The following RBFOX1 variants were observed in gnomAD, a reference collection of about 807,000 sequenced individuals.
RBFOX1 encodes the protein RNA binding protein fox-1 homolog 1.
A neutral mutation model predicts 57.7 loss-of-function variants in RBFOX1; 8 were observed. The ratio of observed to expected loss-of-function variants is 0.14; its 90% CI spans 0.08 to 0.25. RBFOX1 has a LOEUF of 0.25. RBFOX1 is among the 10% of genes least tolerant of loss of function. The pLI, the probability that RBFOX1 is intolerant of heterozygous loss-of-function variation, is 1.00. For missense variants in RBFOX1, 611 were observed against 548.5 expected, an observed-to-expected ratio of 1.11 and a Z score of -1.14; for synonymous variants, 326 against 222.4, an observed-to-expected ratio of 1.47 and a Z score of -4.15.
intron 14 of RBFOX1, among the ~76,000 whole-genome samples, chr16:7,692,950 C>T (rs1392000307): frequency 1.3e-5 from 2 of 151,978 alleles, no homozygotes; most frequent in Non-Finnish European, 2.9e-5. Flanking sequence ...GTAGTATACC[C>T]TATTTCTTAA....
chr16:5,727,969 C>A (rs538445453), intron 3 of RBFOX1, among the ~76,000 whole-genome samples: 1 of 152,180 alleles, frequency 6.6e-6, no homozygotes, highest in African/African-American at 2.4e-5. Context: ...TTACAGGAGA[C>A]AGCTACCATG....
At chr16:7,034,827 C>CTTTTTTTTTTTTT (rs113413414) in intron 3 of RBFOX1, among the ~76,000 whole-genome samples, 4 of 54,098 alleles carry the variant, frequency 7.4e-5, no homozygotes, top group Non-Finnish European at 9.3e-5. Context: ...TATTGCATTA[C>CTTTTTTTTTTTTT]TTTTTTTTTT....
At chr16:7,104,132 G>T (rs1000224884) in intron 4 of RBFOX1, among the ~76,000 whole-genome samples, 10 of 152,154 alleles carry the variant, frequency 6.6e-5, no homozygotes, top group African/African-American at 1.7e-4. Flanking sequence ...ATCTGTATCT[G>T]TATGGAAATT....
At chr16:6,672,720 T>G (rs533387033) in intron 3 of RBFOX1, among the ~76,000 whole-genome samples, 1 of 152,298 alleles carries the variant, frequency 6.6e-6, no homozygotes, top group South Asian at 2.1e-4. Context: ...GGGTTTGGCT[T>G]GCCTTGTGAA....
intron 4 of RBFOX1, among the ~76,000 whole-genome samples, chr16:5,906,381 T>C (rs1034478514): frequency 9.2e-5 from 14 of 152,354 alleles, no homozygotes; most frequent in Middle Eastern, 3.4e-3. Context: ...GTAATGTTTC[T>C]GCAAAGAATT....
chr16:7,010,564 T>C (rs536061607), intron 3 of RBFOX1, among the ~76,000 whole-genome samples: 1 of 152,158 alleles, frequency 6.6e-6, no homozygotes, highest in Non-Finnish European at 1.5e-5. Context: ...TTGTTTCTTT[T>C]TTTGAGACAG....
chr16:6,580,894 C>G (rs1330078627), intron 2 of RBFOX1, among the ~76,000 whole-genome samples: 1 of 132,246 alleles, frequency 7.6e-6, no homozygotes, highest in Non-Finnish European at 1.6e-5. Context: ...CCCTGCATAT[C>G]TCATTTGGGC....
At chr16:6,038,565 A>G (rs1683475539) in intron 1 of RBFOX1, 2 of 146,714 alleles carry the variant, frequency 1.4e-5, no homozygotes, top group Admixed American at 6.9e-5. Context: ...CCATATATAT[A>G]TATCATCCAT....
chr16:6,410,707 G>A (rs2093432460), intron 2 of RBFOX1, among the ~76,000 whole-genome samples: 1 of 152,182 alleles, frequency 6.6e-6, no homozygotes, highest in Non-Finnish European at 1.5e-5. Context: ...TGAATCACGT[G>A]TGTCTATCCA....
intron 2 of RBFOX1, among the ~76,000 whole-genome samples, chr16:5,583,480 C>T (rs1319723670): frequency 5.3e-5 from 8 of 152,306 alleles, no homozygotes; most frequent in South Asian, 2.1e-4. Context: ...GATTCCTGTA[C>T]GTCACTTTAC....
chr16:5,733,763 C>G (rs1177106966), intron 3 of RBFOX1, among the ~76,000 whole-genome samples: 1 of 151,920 alleles, frequency 6.6e-6, no homozygotes, highest in Non-Finnish European at 1.5e-5. Context: ...TTTCTCTTTC[C>G]CATTCTCACC....
intron 5 of RBFOX1, among the ~76,000 whole-genome samples, chr16:7,528,219 T>C (rs188837609): frequency 2.7e-4 from 41 of 152,362 alleles, no homozygotes; most frequent in African/African-American, 9.1e-4. Context: ...TTGCAAATAT[T>C]AGAGCCATCT....
chr16:5,747,274 G>C (rs996436596), intron 3 of RBFOX1, among the ~76,000 whole-genome samples: 1 of 152,212 alleles, frequency 6.6e-6, no homozygotes, highest in Admixed American at 6.5e-5. Context: ...TGTGCTGCTG[G>C]ATTCAGTTTG....
chr16:6,286,630 C>T (rs571178706), intron 1 of RBFOX1, among the ~76,000 whole-genome samples: 2 of 152,140 alleles, frequency 1.3e-5, no homozygotes, highest in Admixed American at 1.3e-4. Flanking sequence ...CTGACTTCTC[C>T]ATAGCCTTGC....
chr16:6,924,505 C>T (rs374073409), intron 3 of RBFOX1, among the ~76,000 whole-genome samples: 3 of 152,046 alleles, frequency 2.0e-5, no homozygotes, highest in South Asian at 2.1e-4. Context: ...TCAAATATTT[C>T]CCTCCAGGCC....
intron 3 of RBFOX1, among the ~76,000 whole-genome samples, chr16:6,741,928 A>T (rs2072283433): frequency 6.6e-6 from 1 of 152,210 alleles, no homozygotes; most frequent in South Asian, 2.1e-4. Flanking sequence ...ACATAGTGAT[A>T]GACTGTAGTT....
intron 7 of RBFOX1, among the ~76,000 whole-genome samples, chr16:7,593,063 C>A (rs2094524499): frequency 6.6e-6 from 1 of 151,742 alleles, no homozygotes; most frequent in Non-Finnish European, 1.5e-5. Flanking sequence ...GATCCTCCTG[C>A]CTTGGCCTCC....
intron 1 of RBFOX1, among the ~76,000 whole-genome samples, chr16:6,214,898 C>G (rs1190028279): frequency 6.1e-5 from 3 of 49,562 alleles, no homozygotes; most frequent in African/African-American, 8.2e-5. Flanking sequence ...GGGAGTGGGA[C>G]CGGGAGAGAA....
At chr16:6,745,754 A>G (rs1357902937) in intron 3 of RBFOX1, among the ~76,000 whole-genome samples, 1 of 152,192 alleles carries the variant, frequency 6.6e-6, no homozygotes, top group East Asian at 1.9e-4. Context: ...TTATGCTTTC[A>G]CCACTTCCCT....
Sources: gnomAD v4.1 joint callset for allele counts (sites outside exome capture counted in the v4.1 genomes callset) on GRCh38, gnomAD v4.1.1 for gene constraint, MANE v1.5 for transcripts, NCBI Gene and HGNC (gene_info 2026-07-23, HGNC 2026-07-21) for gene names.